The following ITSN2 variants were observed in gnomAD, a reference collection of about 807,000 sequenced individuals.
ITSN2 encodes the protein intersectin 2.
In ITSN2, 156 loss-of-function variants were observed where a neutral mutation model predicts 243.7. The observed-to-expected ratio is 0.64, with a 90% confidence interval of 0.56 to 0.73. The LOEUF (loss-of-function observed/expected upper bound fraction) is 0.73, where lower values mean the gene tolerates loss of function less well. ITSN2 is among the 30% of genes least tolerant of loss of function. The pLI is 0.00. For missense variants in ITSN2, 1,801 were observed against 1,996.1 expected (o/e 0.90, Z 1.86); for synonymous variants, 703 against 699.9 (o/e 1.00, Z -0.07).
At chr2:24,326,146 T>C (rs778304672) in intron 2 of ITSN2, among the ~76,000 whole-genome samples, 1 of 152,170 alleles carries the variant, frequency 6.6e-6, no homozygotes, top group Admixed American at 6.5e-5. Flanking sequence ...ATCTTCTAAG[T>C]AGGAAGGTAC....
intron 23 of ITSN2, among the ~76,000 whole-genome samples, chr2:24,257,386 T>C (rs577231597): frequency 6.6e-6 from 1 of 152,068 alleles, no homozygotes; most frequent in East Asian, 1.9e-4. Context: ...CTGAAATAAC[T>C]AGAATGAAAG....
intron 17 of ITSN2, among the ~76,000 whole-genome samples, chr2:24,279,753 G>C (rs1331752355): frequency 1.0e-5 from 1 of 99,842 alleles, no homozygotes; most frequent in Non-Finnish European, 1.9e-5. Context: ...TTTTTTTTGA[G>C]ACGGAGTCTC....
rs1280845213 is a variant in ITSN2 at position 24,285,844 on chromosome 2, C to T, written c.1863+368G>A. ...AATAAAAACTGTGTTAAAAGAGCCA[C>T]TAACACCTAAACTATTTCAAATTTT... On this transcript the variant is annotated intron_variant, in intron 16 of 39. Coordinates refer to ENST00000355123, the MANE Select transcript of ITSN2 (RefSeq NM_006277.3). 2.6e-5 allele frequency among the ~76,000 whole-genome samples: 4 copies of T among 152,216 alleles called. No homozygotes were observed. In the South Asian group the frequency reaches 8.3e-4, roughly 31 times the overall value.
At chr2:24,343,251 T>C (rs866003145) in intron 1 of ITSN2, among the ~76,000 whole-genome samples, 44 of 152,122 alleles carry the variant, frequency 2.9e-4, no homozygotes, top group South Asian at 6.2e-4. Flanking sequence ...ATATATATAA[T>C]AGAAAGTGAA....
At position 24,204,103 on chromosome 2, in the gene ITSN2, G is replaced by A; in HGVS notation, c.4936+142C>T. 2 of 828,304 alleles carry A rather than the reference G, an allele frequency of 2.4e-6. No individual in the cohort carries two copies. Among genetic ancestry groups the A allele is most frequent in the Non-Finnish European group, 3.8e-6 (2 of 524,494 alleles). 51.3% of individuals were successfully genotyped at this position (828,304 alleles called of 1,614,324 possible). The stretch of plus-strand genomic sequence containing the variant: ...CTCCCCTGAGGAAGGCCACCCACCT[G>A]CTGCCAAAGCGAGATGACACAGGCC... On this transcript the variant is annotated intron_variant, in intron 39 of 39. Transcript: ENST00000355123. This position sits in a 1 kb window ranked among gnomAD's most constrained non-coding sequence, Gnocchi z 5.1.
intron 29 of ITSN2, among the ~76,000 whole-genome samples, chr2:24,238,041 C>A (rs1308149185): frequency 6.6e-6 from 1 of 152,126 alleles, no homozygotes; most frequent in African/African-American, 2.4e-5. Flanking sequence ...TTATCATACA[C>A]TCCACCATCC....
chr2:24,302,910 T>C (rs1431957004), intron 9 of ITSN2, among the ~76,000 whole-genome samples: 1 of 152,162 alleles, frequency 6.6e-6, no homozygotes, highest in Non-Finnish European at 1.5e-5. Context: ...GGTGGTCCCA[T>C]AAGATTATAA....
chr2:24,284,059 C>T (rs892250353), intron 17 of ITSN2, among the ~76,000 whole-genome samples: 2 of 152,134 alleles, frequency 1.3e-5, no homozygotes, highest in Non-Finnish European at 2.9e-5. Context: ...TAGGCAACTG[C>T]CCTATTGCTA....
At chr2:24,347,506 G>GAGA (rs1437419518) in intron 1 of ITSN2, among the ~76,000 whole-genome samples, 7 of 152,248 alleles carry the variant, frequency 4.6e-5, no homozygotes, top group African/African-American at 1.7e-4. Context: ...GACCAACATG[G>GAGA]AGAAACCCCG....
chr2:24,340,106 A>G (rs1299425144), intron 1 of ITSN2, among the ~76,000 whole-genome samples: 1 of 152,210 alleles, frequency 6.6e-6, no homozygotes, highest in African/African-American at 2.4e-5. Flanking sequence ...ACACAATTTA[A>G]GACAAACAGT....
intron 2 of ITSN2, among the ~76,000 whole-genome samples, chr2:24,322,984 G>A (rs1357227193): frequency 6.6e-6 from 1 of 151,756 alleles, no homozygotes; most frequent in African/African-American, 2.4e-5. Context: ...CTATCATCAG[G>A]GAAATGTAAA....
intron 29 of ITSN2, among the ~76,000 whole-genome samples, chr2:24,234,863 G>A (rs1671985968): frequency 6.6e-6 from 1 of 152,212 alleles, no homozygotes; most frequent in Admixed American, 6.5e-5. Flanking sequence ...GCAAGGATGT[G>A]GAACAACAGG....
At chr2:24,338,359 T>G (rs1686688871) in intron 1 of ITSN2, among the ~76,000 whole-genome samples, 1 of 152,152 alleles carries the variant, frequency 6.6e-6, no homozygotes, top group Non-Finnish European at 1.5e-5. Context: ...ATGGAACCAA[T>G]GTATTTCTTA....
At chr2:24,252,096 AACTCT>A (rs1674409011) in intron 25 of ITSN2, among the ~76,000 whole-genome samples, 1 of 152,094 alleles carries the variant, frequency 6.6e-6, no homozygotes, top group African/African-American at 2.4e-5. Flanking sequence ...CCTACCCTAC[AACTCT>A]TGTTCTTAGA....
At chr2:24,210,245 A>G in intron 34 of ITSN2, 3 of 553,316 alleles carry the variant, frequency 5.4e-6, no homozygotes, top group Middle Eastern at 4.8e-4. Context: ...TAGCCACAGA[A>G]CACTGATTCT....
In ITSN2 at chr2:24,285,020, C is replaced by T. The variant is rs559405645; in HGVS notation, c.1864-177G>A. On this transcript the variant is annotated intron_variant, in intron 16 of 39. Coordinates refer to ENST00000355123, the MANE Select transcript of ITSN2 (RefSeq NM_006277.3). ...CAAGCGATTCTCCTGCCTCAGCCTC[C>T]CGAGTAGCTGGGACTACAGGCGCAT... is the stretch of plus-strand genomic sequence containing the variant. 2.0e-5 allele frequency among the ~76,000 whole-genome samples: 3 copies of T among 151,592 alleles called. No individual in the cohort carries two copies. The East Asian group carries it at 5.8e-4, about 29-fold the overall frequency.
At chr2:24,210,703 A>T in intron 34 of ITSN2, 77 bp downstream of exon 34, 4 of 1,402,526 alleles carry the variant, frequency 2.9e-6, no homozygotes, top group Non-Finnish European at 2.9e-6. Context: ...CAGACTGTCC[A>T]CGTGAGGGAA....
At chr2:24,268,730 TA>T (rs1453849263) in intron 20 of ITSN2, among the ~76,000 whole-genome samples, 1 of 151,934 alleles carries the variant, frequency 6.6e-6, no homozygotes, top group Non-Finnish European at 1.5e-5. Flanking sequence ...TACTATTATT[TA>T]AACTTGCTCA....
chr2:24,275,867 A>G lies in ITSN2; in HGVS notation c.1945-18T>C. The G allele has an allele frequency of 6.4e-7, 1 of 1,571,514 alleles. No individual in the cohort carries two copies. Among genetic ancestry groups the G allele is most frequent in the Non-Finnish European group, 8.6e-7 (1 of 1,156,814 alleles). ...CTCAGTTCCTAAGGAGAAAAAGAAA[A>G]TAAGTCAATACGTGAATGATTTAAA... On this transcript the variant is annotated intron_variant, in intron 17 of 39. Coordinates refer to ENST00000355123, the MANE Select transcript of ITSN2 (RefSeq NM_006277.3).
Sources: allele counts gnomAD v4.1 joint callset (sites outside exome capture counted in the v4.1 genomes callset), GRCh38; gene constraint gnomAD v4.1.1; non-coding constraint Gnocchi (gnomAD v3.1); transcripts MANE v1.5; gene names NCBI Gene and HGNC (gene_info 2026-07-23, HGNC 2026-07-21).